The following SNX18 variants were observed in gnomAD, a reference collection of about 807,000 sequenced individuals.
SNX18 encodes sorting nexin 18, also known as sorting nexin-18.
Under a neutral mutation model 48.7 loss-of-function variants are expected in SNX18, and 35 were observed. The observed-to-expected ratio is 0.72, with a 90% CI of 0.55 to 0.95. SNX18 has a LOEUF of 0.95. SNX18 is among the 40% of genes least tolerant of loss of function. The pLI is 0.00. For missense variants in SNX18, 824 were observed against 871.0 expected, an observed-to-expected ratio of 0.95 and a Z score of 0.68; for synonymous variants, 492 against 384.7, an observed-to-expected ratio of 1.28 and a Z score of -3.26.
chr5:54,577,818 G>A, the SNX18 span, among the ~76,000 whole-genome samples: 1 of 152,202 alleles, frequency 6.6e-6, no homozygotes, highest in Admixed American at 6.5e-5. Context: ...CCAGTTCTGG[G>A]TTGTGTGTGC....
At chr5:54,584,074 G>A in the SNX18 span, among the ~76,000 whole-genome samples, 27 of 137,670 alleles carry the variant, frequency 2.0e-4, no homozygotes, top group East Asian at 1.3e-3. Flanking sequence ...TTTTTGAGAC[G>A]GAGTCTTGCT....
the SNX18 span, among the ~76,000 whole-genome samples, chr5:54,588,854 A>G: frequency 6.6e-6 from 1 of 152,238 alleles, no homozygotes; most frequent in Non-Finnish European, 1.5e-5. Flanking sequence ...CAAGCTAGTA[A>G]TATGACAAAT....
At chr5:54,548,404 C>T (rs1265666212), downstream of SNX18, among the ~76,000 whole-genome samples, 1 of 152,206 alleles carries the variant, frequency 6.6e-6, no homozygotes, top group Non-Finnish European at 1.5e-5. Context: ...TTTTCTCTCA[C>T]TCCAGGAAAT....
Position 54,531,555 on chromosome 5 carries a change from C to T in SNX18, c.1622-11624C>T, listed in dbSNP as rs530389965. Among the ~76,000 whole-genome samples the T allele has an allele frequency of 8.5e-5, 13 of 152,280 alleles. 1 individual carries two copies. In the Middle Eastern group the frequency reaches 0.02, roughly 239 times the overall value. On this transcript the variant is annotated intron_variant, in intron 1 of 1. Coordinates refer to ENST00000381410, the MANE Select transcript of SNX18 (RefSeq NM_001102575.2). Reference sequence around the variant, plus strand: ...AGTGTGGATAATCTGTAAATTTTCACGTTTTATGATTTGTATTTCACATAT... The same window carrying T: ...AGTGTGGATAATCTGTAAATTTTCATGTTTTATGATTTGTATTTCACATAT...
chr5:54,576,601 T>C, the SNX18 span, among the ~76,000 whole-genome samples: 1 of 152,172 alleles, frequency 6.6e-6, no homozygotes, highest in Admixed American at 6.5e-5. Flanking sequence ...GTGTCAACGT[T>C]TCTTATGTGC....
At chr5:54,571,753 C>T in the SNX18 span, among the ~76,000 whole-genome samples, 8 of 152,324 alleles carry the variant, frequency 5.3e-5, no homozygotes, top group Middle Eastern at 3.4e-3. Flanking sequence ...AAGGGCAGGG[C>T]TTTTCCCTGG....
the SNX18 span, among the ~76,000 whole-genome samples, chr5:54,563,868 T>C: frequency 2.4e-4 from 36 of 152,072 alleles, 1 homozygote; most frequent in African/African-American, 8.2e-4. Context: ...ATTATTTATA[T>C]ATAGGAATAT....
the SNX18 span, among the ~76,000 whole-genome samples, chr5:54,557,476 G>GA: frequency 5.9e-5 from 9 of 152,312 alleles, no homozygotes; most frequent in Non-Finnish European, 1.3e-4. Flanking sequence ...TCTCAAGCCT[G>GA]AAAGAGGAAT....
the SNX18 span, among the ~76,000 whole-genome samples, chr5:54,584,676 G>T: frequency 6.6e-6 from 1 of 152,140 alleles, no homozygotes; most frequent in African/African-American, 2.4e-5. Context: ...GCAGGTAGGG[G>T]AATAATTATA....
the SNX18 span, chr5:54,645,820 C>T: frequency 6.6e-6 from 1 of 152,122 alleles, no homozygotes; most frequent in African/African-American, 2.4e-5. Flanking sequence ...TTGTGAACAC[C>T]GGGTTCTGAA....
chr5:54,613,915 G>A, the SNX18 span, among the ~76,000 whole-genome samples: 20 of 152,060 alleles, frequency 1.3e-4, no homozygotes, highest in Non-Finnish European at 2.2e-4. Flanking sequence ...GGTTGGTCTC[G>A]AACTCCCGAC....
intron 1 of SNX18, among the ~76,000 whole-genome samples, chr5:54,529,593 G>A (rs1360909547): frequency 1.3e-5 from 2 of 152,056 alleles, no homozygotes; most frequent in Non-Finnish European, 2.9e-5. Flanking sequence ...TACTTACTAC[G>A]TGATAGGCAG....
chr5:54,541,286 C>T (rs1762465535), intron 1 of SNX18, among the ~76,000 whole-genome samples: 1 of 152,148 alleles, frequency 6.6e-6, no homozygotes, highest in African/African-American at 2.4e-5. Flanking sequence ...CCTCAGCTTC[C>T]CAAAGTCTTA....
chr5:54,563,501 A>G, the SNX18 span, among the ~76,000 whole-genome samples: 1 of 152,240 alleles, frequency 6.6e-6, no homozygotes, highest in Non-Finnish European at 1.5e-5. Flanking sequence ...TGCACCATAT[A>G]GCCTAGGTGT....
chr5:54,598,774 G>T, the SNX18 span, among the ~76,000 whole-genome samples: 1 of 152,186 alleles, frequency 6.6e-6, no homozygotes, highest in South Asian at 2.1e-4. Flanking sequence ...ACAGCCAATA[G>T]CATACTGAAT....
At chr5:54,540,317 A>G (rs1293904408) in intron 1 of SNX18, among the ~76,000 whole-genome samples, 2 of 151,832 alleles carry the variant, frequency 1.3e-5, no homozygotes, top group Admixed American at 6.6e-5. Context: ...CTGGACTCAG[A>G]TGATCCTCCC....
At chr5:54,598,663 CTT>C in the SNX18 span, among the ~76,000 whole-genome samples, 1 of 152,126 alleles carries the variant, frequency 6.6e-6, no homozygotes, top group South Asian at 2.1e-4. Flanking sequence ...ACATAAAGGA[CTT>C]TGATAAAATT....
chr5:54,610,609 A>G, the SNX18 span, among the ~76,000 whole-genome samples: 22 of 152,232 alleles, frequency 1.4e-4, no homozygotes, highest in Admixed American at 1.3e-4. Context: ...AAATAACCAA[A>G]GAGATTATTT....
chr5:54,574,414 C>A, the SNX18 span, among the ~76,000 whole-genome samples: 2 of 152,146 alleles, frequency 1.3e-5, no homozygotes, highest in African/African-American at 4.8e-5. Context: ...TTGGCAAAGA[C>A]CCCAGCTCCC....
Sources: allele counts gnomAD v4.1 joint callset (sites outside exome capture counted in the v4.1 genomes callset), GRCh38; gene constraint gnomAD v4.1.1; transcripts MANE v1.5; gene names NCBI Gene and HGNC (gene_info 2026-07-23, HGNC 2026-07-21).